The following ZNRF1 variants were observed in gnomAD, a reference collection of about 807,000 sequenced individuals.
ZNRF1 encodes the protein E3 ubiquitin-protein ligase ZNRF1.
ZNRF1 carries 3 observed loss-of-function variants against 18.4 expected under a neutral mutation model. That is an observed-to-expected ratio of 0.16 (90% CI 0.07 to 0.42). The LOEUF (loss-of-function observed/expected upper bound fraction) is 0.42, where lower values mean the gene tolerates loss of function less well. Ranked by LOEUF, ZNRF1 falls within the 10% of genes least tolerant of loss-of-function variation. ZNRF1 has a pLI of 0.99. For synonymous variants in ZNRF1, 157 were observed against 144.2 expected, an observed-to-expected ratio of 1.09 and a Z score of -0.64; for missense variants, 310 against 329.8, an observed-to-expected ratio of 0.94 and a Z score of 0.47.
intron 1 of ZNRF1, among the ~76,000 whole-genome samples, chr16:75,032,222 G>T (rs1465793270): frequency 6.7e-6 from 1 of 148,346 alleles, no homozygotes; most frequent in Non-Finnish European, 1.5e-5. Context: ...CAATTGTCTC[G>T]CCTTAGCCTC....
chr16:75,105,056 G>A (rs2036298871), intron 3 of ZNRF1, 167 bp downstream of exon 3: 1 of 583,362 alleles, frequency 1.7e-6, no homozygotes, highest in Non-Finnish European at 3.1e-6. Context: ...TGTGCCGGCG[G>A]GAAGGTGCGA....
intron 1 of ZNRF1, among the ~76,000 whole-genome samples, chr16:75,085,106 C>T (rs1406399438): frequency 6.6e-6 from 1 of 152,086 alleles, no homozygotes; most frequent in Non-Finnish European, 1.5e-5. Context: ...TTTTGACAAA[C>T]ACATACGCGT....
intron 1 of ZNRF1, among the ~76,000 whole-genome samples, chr16:75,082,986 A>T (rs2036032562): frequency 6.6e-6 from 1 of 152,210 alleles, no homozygotes; most frequent in African/African-American, 2.4e-5. Context: ...TAAAATCGAG[A>T]TGTGCTATAT....
intron 1 of ZNRF1, among the ~76,000 whole-genome samples, chr16:75,076,223 C>G (rs1193467729): frequency 6.6e-6 from 1 of 152,118 alleles, no homozygotes; most frequent in African/African-American, 2.4e-5. Flanking sequence ...TATAATCTTT[C>G]TCTTGTTATA....
intron 1 of ZNRF1, among the ~76,000 whole-genome samples, chr16:75,056,565 A>G (rs989330617): frequency 6.6e-6 from 1 of 152,216 alleles, no homozygotes; most frequent in Non-Finnish European, 1.5e-5. Flanking sequence ...GAAGTTCACA[A>G]GTATCATGAT....
At chr16:75,069,010 C>T (rs1347670415) in intron 1 of ZNRF1, among the ~76,000 whole-genome samples, 1 of 151,942 alleles carries the variant, frequency 6.6e-6, no homozygotes, top group Non-Finnish European at 1.5e-5. Flanking sequence ...AAGCTGATGC[C>T]CGAAGAACAC....
chr16:75,060,088 C>G (rs901918664), intron 1 of ZNRF1, among the ~76,000 whole-genome samples: 7 of 152,022 alleles, frequency 4.6e-5, no homozygotes, highest in Non-Finnish European at 8.8e-5. Flanking sequence ...GAGTCTCACT[C>G]TCTTGCCCAG....
intron 1 of ZNRF1, among the ~76,000 whole-genome samples, chr16:75,020,912 C>G (rs893495392): frequency 2.6e-5 from 4 of 152,202 alleles, no homozygotes; most frequent in African/African-American, 9.7e-5. Flanking sequence ...TTACAGGCTA[C>G]TCTTAAATTT....
At chr16:75,081,877 C>A (rs2036016052) in intron 1 of ZNRF1, among the ~76,000 whole-genome samples, 1 of 152,204 alleles carries the variant, frequency 6.6e-6, no homozygotes, top group Non-Finnish European at 1.5e-5. Context: ...CCAAGTGTTT[C>A]CCTGGAGACT....
Position 75,107,908 on chromosome 16 carries a change from A to G in ZNRF1, c.*208A>G, listed in dbSNP as rs1035368845. 2.4e-6 allele frequency: 1 copy of G among 421,830 alleles called. No homozygotes were observed. The highest frequency in any genetic ancestry group is 2.0e-5 in the African/African-American group (1 of 49,318). 26.1% of individuals were successfully genotyped at this position (421,830 alleles called of 1,614,324 possible). A position where few individuals can be genotyped will look rare whatever the true frequency, so the allele number is the denominator to read the frequency against. On this transcript the variant is annotated 3_prime_UTR_variant, in exon 5 of 5. Coordinates refer to ENST00000335325, the MANE Select transcript of ZNRF1 (RefSeq NM_032268.5). ...GCAAGTTTGAGAGAAGAATGAATCAACTGCTATCCTTCCCCTCACCCCTCA... is the reference window on the plus strand; with the variant it reads ...GCAAGTTTGAGAGAAGAATGAATCAGCTGCTATCCTTCCCCTCACCCCTCA...
chr16:75,008,293 G>C (rs2034949994), intron 1 of ZNRF1, among the ~76,000 whole-genome samples: 1 of 152,158 alleles, frequency 6.6e-6, no homozygotes, highest in African/African-American at 2.4e-5. Flanking sequence ...TTTTACATGG[G>C]ACTAAGCATT....
Position 75,031,836 on chromosome 16 carries a change from C to G in ZNRF1, c.424+31741C>G, listed in dbSNP as rs551756311. On this transcript the variant is annotated intron_variant, in intron 1 of 4. Transcript: ENST00000335325. ...TACGAGTAGAATTGCTCGGTCAGTT[C>G]TACTGTGTCGAGTCAATTCTGCCGG... 4.6e-5 allele frequency among the ~76,000 whole-genome samples: 7 copies of G among 151,932 alleles called. No homozygotes were observed. In the South Asian group the frequency reaches 1.5e-3, roughly 31 times the overall value.
chr16:75,102,907 G>A (rs1410090266), intron 2 of ZNRF1, among the ~76,000 whole-genome samples: 3 of 152,222 alleles, frequency 2.0e-5, no homozygotes, highest in South Asian at 2.1e-4. Context: ...CCTTGTTGTC[G>A]GCCCCAGACA....
chr16:75,011,406 AC>A (rs1478958529), intron 1 of ZNRF1, among the ~76,000 whole-genome samples: 2 of 152,110 alleles, frequency 1.3e-5, no homozygotes, highest in Non-Finnish European at 2.9e-5. Flanking sequence ...CTAAAAACAA[AC>A]TTTTTTTCAG....
intron 1 of ZNRF1, among the ~76,000 whole-genome samples, chr16:75,054,731 CT>C (rs1231935049): frequency 2.6e-5 from 4 of 152,260 alleles, no homozygotes; most frequent in Admixed American, 1.3e-4. Context: ...GATTTCTCCC[CT>C]GATACTAATC....
At chr16:75,023,022 G>A (rs889971183) in intron 1 of ZNRF1, among the ~76,000 whole-genome samples, 2 of 152,166 alleles carry the variant, frequency 1.3e-5, no homozygotes, top group African/African-American at 4.8e-5. Flanking sequence ...GAGAAACCAG[G>A]TAAGCAGGAA....
At chr16:75,032,109 T>C (rs1049929567) in intron 1 of ZNRF1, among the ~76,000 whole-genome samples, 2 of 146,334 alleles carry the variant, frequency 1.4e-5, no homozygotes, top group African/African-American at 2.6e-5. Context: ...GTGAGGTTTT[T>C]TTTTTTTTTT....
intron 1 of ZNRF1, among the ~76,000 whole-genome samples, chr16:75,002,916 C>A (rs185819657): frequency 5.3e-5 from 8 of 152,228 alleles, no homozygotes; most frequent in African/African-American, 1.9e-4. Flanking sequence ...AAAAATTGGC[C>A]CCTCCGGTTA....
In ZNRF1 at chr16:75,003,100, T is replaced by C. The variant is rs565431588; in HGVS notation, c.424+3005T>C. 2.6e-5 allele frequency among the ~76,000 whole-genome samples: 4 copies of C among 152,286 alleles called. No homozygotes were observed. The East Asian group carries it at 7.7e-4, about 29-fold the overall frequency. On this transcript the variant is annotated intron_variant, in intron 1 of 4. Coordinates refer to ENST00000335325, the MANE Select transcript of ZNRF1 (RefSeq NM_032268.5). Reference sequence around the variant, plus strand: ...TCCCGAGTAGCTGGGATTACTGGCATGCGCCACCATGCCCAATAAGCTTGG... The same window carrying C: ...TCCCGAGTAGCTGGGATTACTGGCACGCGCCACCATGCCCAATAAGCTTGG...
Sources: gnomAD v4.1 joint callset for allele counts (sites outside exome capture counted in the v4.1 genomes callset) on GRCh38, gnomAD v4.1.1 for gene constraint, MANE v1.5 for transcripts, NCBI Gene and HGNC (gene_info 2026-07-23, HGNC 2026-07-21) for gene names.